The following TESC variants were observed in gnomAD, a reference collection of about 807,000 sequenced individuals.
The protein encoded by TESC is calcineurin B homologous protein 3.
In TESC, 19 loss-of-function variants were observed where a neutral mutation model predicts 31.0. The ratio of observed to expected loss-of-function variants is 0.61; its 90% CI spans 0.43 to 0.90. The LOEUF (loss-of-function observed/expected upper bound fraction) is 0.90, where lower values mean the gene tolerates loss of function less well. Among genes scored for constraint, TESC ranks in the 40% least tolerant of loss-of-function variants. The pLI, the probability that TESC is intolerant of heterozygous loss-of-function variation, is 0.00. For missense variants in TESC, 248 were observed against 303.8 expected, an observed-to-expected ratio of 0.82 and a Z score of 1.36; for synonymous variants, 109 against 114.8, an observed-to-expected ratio of 0.95 and a Z score of 0.32.
chr12:117,040,121 C>T (rs1302738250), intron 7 of TESC, among the ~76,000 whole-genome samples: 3 of 152,224 alleles, frequency 2.0e-5, no homozygotes, highest in Non-Finnish European at 4.4e-5. Context: ...GTCAGAGCCC[C>T]GTGGGCACCC....
Position 117,075,915 on chromosome 12 carries a change from G to GTA in TESC, c.59-576_59-575insTA, listed in dbSNP as rs1565971663. Among the ~76,000 whole-genome samples the GTA allele has an allele frequency of 2.7e-3, 138 of 50,688 alleles. 2 individuals are homozygous for GTA. The highest frequency in any genetic ancestry group is 0.014 in the African/African-American group (128 of 9,476). The allele number at this position is 50,688 out of a possible 152,430, so 33.3% of individuals were successfully genotyped here. A position where few individuals can be genotyped will look rare whatever the true frequency, so the allele number is the denominator to read the frequency against. The stretch of plus-strand genomic sequence containing the variant: ...TATATATATATATATATATATATAT[G>GTA]TGTGTGTGTATATATATATATATAT... On this transcript the variant is annotated intron_variant, in intron 1 of 7. Transcript: ENST00000335209.
At chr12:117,048,414 G>C (rs1282034265) in intron 4 of TESC, among the ~76,000 whole-genome samples, 1 of 152,180 alleles carries the variant, frequency 6.6e-6, no homozygotes, top group Non-Finnish European at 1.5e-5. Context: ...GCGGGACACA[G>C]AGGGATGTCA....
chr12:117,073,824 A>C (rs1955011901), intron 2 of TESC, among the ~76,000 whole-genome samples: 1 of 152,216 alleles, frequency 6.6e-6, no homozygotes. Context: ...ACTCGCTTGT[A>C]ATCCCAGCCA....
intron 1 of TESC, among the ~76,000 whole-genome samples, chr12:117,091,825 TG>T (rs1399659769): frequency 6.6e-6 from 1 of 152,162 alleles, no homozygotes; most frequent in Non-Finnish European, 1.5e-5. Context: ...CTTGCCGACT[TG>T]GTAAACAATG....
chr12:117,058,165 A>G (rs750572338), intron 2 of TESC, among the ~76,000 whole-genome samples: 11 of 152,152 alleles, frequency 7.2e-5, no homozygotes, highest in Non-Finnish European at 1.3e-4. Flanking sequence ...GGTTGCAGTG[A>G]GCCAAGATCT....
chr12:117,041,681 G>A (rs1187545399), intron 7 of TESC, among the ~76,000 whole-genome samples: 1 of 152,224 alleles, frequency 6.6e-6, no homozygotes, highest in Non-Finnish European at 1.5e-5. Flanking sequence ...GCAGGTGGGA[G>A]AGAATTTGGT....
chr12:117,051,502 C>T (rs1003514018), intron 3 of TESC, among the ~76,000 whole-genome samples: 8 of 152,154 alleles, frequency 5.3e-5, no homozygotes, highest in African/African-American at 9.7e-5. Flanking sequence ...AGCTCCCCAC[C>T]GCTCCTGCCA....
intron 3 of TESC, among the ~76,000 whole-genome samples, chr12:117,051,337 A>C (rs1480438121): frequency 2.0e-5 from 3 of 152,140 alleles, no homozygotes; most frequent in Admixed American, 6.5e-5. Context: ...CTCTTCCAGG[A>C]GATTTTCCAG....
chr12:117,091,165 A>G (rs112361950), intron 1 of TESC, among the ~76,000 whole-genome samples: 2 of 152,344 alleles, frequency 1.3e-5, no homozygotes, highest in Non-Finnish European at 2.9e-5. Context: ...TTATAAATTA[A>G]TAATTAAGCT....
intron 1 of TESC, among the ~76,000 whole-genome samples, chr12:117,076,635 G>T (rs938440849): frequency 6.6e-5 from 10 of 152,140 alleles, no homozygotes; most frequent in African/African-American, 2.2e-4. Flanking sequence ...GCAGAGACGG[G>T]GTTTCGCCAC....
intron 6 of TESC, among the ~76,000 whole-genome samples, chr12:117,042,998 G>A (rs1340012865): frequency 6.6e-6 from 1 of 152,052 alleles, no homozygotes; most frequent in Non-Finnish European, 1.5e-5. Flanking sequence ...AGAAGGGGTT[G>A]ATCTGTATGT....
chr12:117,067,153 T>C (rs1454449528), intron 2 of TESC, among the ~76,000 whole-genome samples: 1 of 152,182 alleles, frequency 6.6e-6, no homozygotes, highest in African/African-American at 2.4e-5. Flanking sequence ...TCATCCTAGC[T>C]GAGGCTTTTA....
intron 2 of TESC, among the ~76,000 whole-genome samples, chr12:117,074,350 G>A (rs572850037): frequency 2.6e-5 from 4 of 152,054 alleles, no homozygotes; most frequent in African/African-American, 4.8e-5. Context: ...CCTGGGCAAC[G>A]GAGTGAGACC....
At chr12:117,087,932 G>GT (rs1955241696) in intron 1 of TESC, among the ~76,000 whole-genome samples, 1 of 152,218 alleles carries the variant, frequency 6.6e-6, no homozygotes, top group Non-Finnish European at 1.5e-5. Context: ...ATCTTAGTTA[G>GT]TCCTCGCTTT....
intron 1 of TESC, among the ~76,000 whole-genome samples, chr12:117,075,985 ATTT>A (rs201923877): frequency 9.9e-6 from 1 of 100,646 alleles, no homozygotes; most frequent in Non-Finnish European, 1.9e-5. Flanking sequence ...ATATATATAT[ATTT>A]TTTTTTTTTA....
intron 2 of TESC, among the ~76,000 whole-genome samples, chr12:117,071,466 G>A (rs527505359): frequency 3.3e-4 from 50 of 152,312 alleles, no homozygotes; most frequent in African/African-American, 1.1e-3. Flanking sequence ...GACGTGTCTT[G>A]GAAATGTGGT....
intron 1 of TESC, among the ~76,000 whole-genome samples, chr12:117,092,686 G>A (rs1955329523): frequency 6.6e-6 from 1 of 152,220 alleles, no homozygotes; most frequent in Admixed American, 6.5e-5. Flanking sequence ...CACTGTCTGA[G>A]GAGGGAGCCT....
intron 7 of TESC, 33 bp downstream of exon 7, chr12:117,041,914 G>T: frequency 6.4e-7 from 1 of 1,563,218 alleles, no homozygotes; most frequent in Non-Finnish European, 8.7e-7. Context: ...GTCTTCAAGG[G>T]TCCCCCGAGG....
chr12:117,087,258 GAGC>G (rs1032695645), intron 1 of TESC, among the ~76,000 whole-genome samples: 11 of 152,326 alleles, frequency 7.2e-5, no homozygotes, highest in Admixed American at 2.0e-4. Flanking sequence ...CTGTCCTTCA[GAGC>G]AGCAGCAGCA....
Sources: gnomAD v4.1 joint callset for allele counts (sites outside exome capture counted in the v4.1 genomes callset) on GRCh38, gnomAD v4.1.1 for gene constraint, MANE v1.5 for transcripts, NCBI Gene and HGNC (gene_info 2026-07-23, HGNC 2026-07-21) for gene names.